The following MEGF6 variants were observed in gnomAD, a reference collection of about 807,000 sequenced individuals.
MEGF6 encodes the protein multiple EGF like domains 6.
In MEGF6, 184 loss-of-function variants were observed where a neutral mutation model predicts 207.1. The ratio of observed to expected loss-of-function variants is 0.89; its 90% CI spans 0.79 to 1.00. MEGF6 has a LOEUF of 1.00. Ranked by LOEUF, MEGF6 falls within the 50% of genes least tolerant of loss-of-function variation. MEGF6 has a pLI of 0.00. For synonymous variants in MEGF6, 1,038 were observed against 910.0 expected (o/e 1.14, Z -2.53); for missense variants, 2,282 against 2,202.9 (o/e 1.04, Z -0.72).
intron 24 of MEGF6, 48 bp downstream of exon 24, chr1:3,499,090 C>G: frequency 1.3e-6 from 2 of 1,587,450 alleles, no homozygotes; most frequent in Non-Finnish European, 1.7e-6. Context: ...GGCCAGCACC[C>G]TCGCTCAGGC....
chr1:3,524,370 G>T, intron 4 of MEGF6, 124 bp from the exon 5 acceptor site: 1 of 1,272,154 alleles, frequency 7.9e-7, no homozygotes. Flanking sequence ...CACCACCCAT[G>T]AGCCCCTCAC....
At chr1:3,549,479 C>T (rs1032085027) in intron 4 of MEGF6, among the ~76,000 whole-genome samples, 21 of 152,238 alleles carry the variant, frequency 1.4e-4, no homozygotes, top group African/African-American at 4.8e-4. Context: ...GTGTTCAGGG[C>T]TCCAGTCTAG....
chr1:3,504,094 C>A (rs1278461922), intron 17 of MEGF6, among the ~76,000 whole-genome samples: 1 of 152,024 alleles, frequency 6.6e-6, no homozygotes, highest in African/African-American at 2.4e-5. Flanking sequence ...CCAGAGAGCC[C>A]CCTGGTATGG....
intron 3 of MEGF6, among the ~76,000 whole-genome samples, chr1:3,589,451 C>G (rs1643942423): frequency 6.6e-6 from 1 of 152,112 alleles, no homozygotes; most frequent in African/African-American, 2.4e-5. Context: ...TACTCAGTGA[C>G]CTCTTCCCAG....
intron 17 of MEGF6, among the ~76,000 whole-genome samples, chr1:3,502,316 G>A (rs539494864): frequency 3.3e-5 from 5 of 152,226 alleles, no homozygotes; most frequent in Admixed American, 6.5e-5. Context: ...CCGGGAGCCC[G>A]AGGTAGGGCC....
chr1:3,606,005 C>G lies in MEGF6; in HGVS notation c.132-3405G>C, dbSNP rs867406349. The stretch of plus-strand genomic sequence containing the variant: ...ACAGTGCCACCCTGTCCTCCTCCTA[C>G]TGACAGATACTCTGTCCCCCTGAAA... On this transcript the variant is annotated intron_variant, in intron 1 of 36. Coordinates refer to ENST00000356575, the MANE Select transcript of MEGF6 (RefSeq NM_001409.4). Among the ~76,000 whole-genome samples the G allele has an allele frequency of 2.6e-4, 39 of 152,374 alleles. 1 individual carries two copies. The highest frequency in any genetic ancestry group is 5.2e-4 in the Admixed American group (8 of 15,310).
rs1325076910 is a variant in MEGF6 at position 3,522,227 on chromosome 1, C to T, written c.604+1897G>A. Among the ~76,000 whole-genome samples the T allele has an allele frequency of 2.0e-5, 3 of 152,302 alleles. No individual in the cohort carries two copies. The East Asian group carries it at 5.8e-4, about 29-fold the overall frequency. ...CAGCAGACCCCTGAGTAGGTGAACG[C>T]ACTTAGGTGACAGGCTGGCACGCAG... On this transcript the variant is annotated intron_variant, in intron 5 of 36. Transcript: ENST00000356575.
intron 17 of MEGF6, 59 bp from the exon 18 acceptor site, chr1:3,501,980 C>T: frequency 1.3e-6 from 2 of 1,555,732 alleles, no homozygotes; most frequent in South Asian, 1.2e-5. Flanking sequence ...TGACCAGAGC[C>T]TTTCCCCCAG....
At chr1:3,559,673 G>A (rs1467767436) in intron 4 of MEGF6, among the ~76,000 whole-genome samples, 2 of 152,100 alleles carry the variant, frequency 1.3e-5, no homozygotes, top group African/African-American at 2.4e-5. Flanking sequence ...GAAGACACAG[G>A]AAAGGAGGCG....
intron 17 of MEGF6, 36 bp downstream of exon 17, chr1:3,505,169 CAAT>C: frequency 6.2e-7 from 1 of 1,603,116 alleles, no homozygotes; most frequent in South Asian, 1.1e-5. Flanking sequence ...CTACACCCCA[CAAT>C]GAGACTGCCG....
rs368640583 is a variant in MEGF6, at chr1:3,490,514, C to T, written c.*14G>A. The T allele has an allele frequency of 5.6e-5, 90 of 1,611,998 alleles. No individual in the cohort carries two copies. The highest frequency in any genetic ancestry group is 1.1e-4 in the African/African-American group (8 of 74,924). ...GCTGGGACTGGAGAGGCGGGCTCCA[C>T]GGGACTGCCTCTACTAGTGCCTCGC... On this transcript the variant is annotated 3_prime_UTR_variant, in exon 37 of 37. Transcript: ENST00000356575.
At chr1:3,599,867 T>C (rs1644131402) in intron 2 of MEGF6, among the ~76,000 whole-genome samples, 1 of 152,184 alleles carries the variant, frequency 6.6e-6, no homozygotes, top group Non-Finnish European at 1.5e-5. Context: ...GTTTCTGGGC[T>C]GTGCCAGGCA....
intron 4 of MEGF6, among the ~76,000 whole-genome samples, chr1:3,547,702 A>G (rs1383330370): frequency 1.3e-5 from 2 of 152,150 alleles, no homozygotes; most frequent in Non-Finnish European, 2.9e-5. Flanking sequence ...CACCACATCA[A>G]GTTGCTGAGC....
Position 3,493,786 on chromosome 1 carries a change from C to G in MEGF6, c.4372G>C (p.Ala1458Pro). The change falls in exon 34 of 37, where the codon GCC becomes CCC. Residue 1458 changes from alanine to proline, a missense_variant. Coordinates refer to ENST00000356575, the MANE Select transcript of MEGF6 (RefSeq NM_001409.4). ...CCAGACTCACCCAGGTTACAGGTGG[C>G]TCCTGAGCGCCCTGGTGGGCAAAGG... ...LCLCPPGRSG[A>P]TCNLDCRRGQ... 1 of 1,612,132 alleles carries G rather than the reference C, an allele frequency of 6.2e-7. No homozygotes were observed. The highest frequency in any genetic ancestry group is 8.5e-7 in the Non-Finnish European group (1 of 1,179,602).
chr1:3,602,416 G>C, intron 2 of MEGF6, 50 bp downstream of exon 2: 1 of 1,611,504 alleles, frequency 6.2e-7, no homozygotes. Context: ...GGTCAGTGCC[G>C]CCCTTTGTGT....
chr1:3,571,295 G>A (rs1005034659), intron 4 of MEGF6, among the ~76,000 whole-genome samples: 5 of 152,154 alleles, frequency 3.3e-5, no homozygotes, highest in Admixed American at 2.0e-4. Flanking sequence ...TCCGGTGCTT[G>A]TAGGACACGA....
At chr1:3,499,002 G>A in intron 24 of MEGF6, 136 bp downstream of exon 24, 1 of 1,420,652 alleles carries the variant, frequency 7.0e-7, no homozygotes, top group South Asian at 1.3e-5. Context: ...AGGGGCACAG[G>A]TGAAAGGCAC....
Position 3,511,614 on chromosome 1 carries a change from A to G in MEGF6, c.1050T>C (p.Ser350=), listed in dbSNP as rs750107428. 2 of 1,612,538 alleles carry G rather than the reference A, an allele frequency of 1.2e-6. No homozygotes were observed. The highest frequency in any genetic ancestry group is 1.7e-6 in the Non-Finnish European group (2 of 1,179,632). Residue 350 remains serine, a synonymous_variant, in exon 9 of 37, where the codon AGT becomes AGC. Transcript: ENST00000356575. ...GGGGACATGTGCACAGGGGCCCAGC[A>G]CTGGTGTGGCTGCAGCCATGGGAGC... ...GGCSHGCSHT[S]AGPLCTCPRG...
At chr1:3,523,080 G>T (rs528067692) in intron 5 of MEGF6, among the ~76,000 whole-genome samples, 1 of 152,054 alleles carries the variant, frequency 6.6e-6, no homozygotes, top group Non-Finnish European at 1.5e-5. Context: ...GTGCCGGGGG[G>T]GGGGCCCCAG....
Sources: allele counts gnomAD v4.1 joint callset (sites outside exome capture counted in the v4.1 genomes callset), GRCh38; gene constraint gnomAD v4.1.1; transcripts MANE v1.5; gene names NCBI Gene and HGNC (gene_info 2026-07-23, HGNC 2026-07-21).